Variants in REPS2 observed in about 807,000 individuals in gnomAD.
REPS2 encodes ralBP1-associated Eps domain-containing protein 2.
A neutral mutation model predicts 53.6 loss-of-function variants in REPS2; 23 were observed. The ratio of observed to expected loss-of-function variants is 0.43; its 90% CI spans 0.31 to 0.61. The LOEUF (loss-of-function observed/expected upper bound fraction) is 0.61, where lower values mean the gene tolerates loss of function less well. Among genes scored for constraint, REPS2 ranks in the 20% least tolerant of loss-of-function variants. The pLI is 0.11. For missense variants in REPS2, 446 were observed against 534.9 expected (o/e 0.83, Z 1.64); for synonymous variants, 238 against 218.6 (o/e 1.09, Z -0.78).
chrX:16,981,747 A>G (rs2061021519), intron 1 of REPS2, among the ~76,000 whole-genome samples: 2 of 112,468 alleles, frequency 1.8e-5, no homozygotes, highest in African/African-American at 6.5e-5. Flanking sequence ...AAAAAGGATG[A>G]CAACAAAAAC....
In REPS2 at chrX:17,151,582, T is replaced by C; in HGVS notation, c.*4101T>C. The C allele has an allele frequency of 8.9e-6, 1 of 112,750 alleles. No individual in the cohort carries two copies. The highest frequency in any genetic ancestry group is 1.9e-5 in the Non-Finnish European group (1 of 53,296). The allele number at this position is 112,750 out of a possible 1,213,427, so 9.3% of individuals were successfully genotyped here. On this transcript the variant is annotated 3_prime_UTR_variant, in exon 18 of 18. Coordinates refer to ENST00000357277, the MANE Select transcript of REPS2 (RefSeq NM_004726.3). The stretch of plus-strand genomic sequence containing the variant: ...TAGAATCACACCTTCTCACTAGATA[T>C]CACCAAGGGAATGTGGTTTTAAAAA...
chrX:17,184,724 A>C, the REPS2 span, among the ~76,000 whole-genome samples: 1 of 111,870 alleles, frequency 8.9e-6, no homozygotes, highest in Non-Finnish European at 1.9e-5. Context: ...TGCCATTCCA[A>C]CTGGTGTGAG....
At chrX:17,067,392 C>T (rs954357280) in intron 9 of REPS2, among the ~76,000 whole-genome samples, 1 of 112,154 alleles carries the variant, frequency 8.9e-6, no homozygotes, top group Admixed American at 9.4e-5. Flanking sequence ...TACCTGTCAC[C>T]TCTCACATAG....
At chrX:17,192,437 T>C in the REPS2 span, among the ~76,000 whole-genome samples, 1 of 111,662 alleles carries the variant, frequency 9.0e-6, no homozygotes, top group Non-Finnish European at 1.9e-5. Context: ...TGCCTACTAT[T>C]GTATCAATTT....
At chrX:17,179,237 C>T in the REPS2 span, among the ~76,000 whole-genome samples, 1 of 111,964 alleles carries the variant, frequency 8.9e-6, no homozygotes, top group Non-Finnish European at 1.9e-5. Context: ...CCCTTTGGAG[C>T]TGGCTGGGTG....
intron 3 of REPS2, among the ~76,000 whole-genome samples, chrX:17,024,125 A>G (rs2061607824): frequency 9.4e-6 from 1 of 106,144 alleles, no homozygotes; most frequent in Non-Finnish European, 1.9e-5. Context: ...CTCATTTCAA[A>G]AAAAAAAAAA....
intron 13 of REPS2, among the ~76,000 whole-genome samples, chrX:17,085,240 A>G (rs182452836): frequency 1.8e-5 from 2 of 112,448 alleles, no homozygotes; most frequent in Admixed American, 9.4e-5. Flanking sequence ...CTATAGGTCT[A>G]TCCTTATGCC....
At chrX:16,980,285 T>G (rs2061005443) in intron 1 of REPS2, among the ~76,000 whole-genome samples, 1 of 107,828 alleles carries the variant, frequency 9.3e-6, no homozygotes, top group South Asian at 4.1e-4. Context: ...AATTTATTTA[T>G]TTATTTATTC....
chrX:17,095,096 T>C (rs893065458), intron 13 of REPS2, among the ~76,000 whole-genome samples: 2 of 112,201 alleles, frequency 1.8e-5, no homozygotes, highest in African/African-American at 6.5e-5. Flanking sequence ...TAATACTTAG[T>C]CATCCACTTA....
intron 13 of REPS2, among the ~76,000 whole-genome samples, chrX:17,082,442 T>A (rs777708180): frequency 7.1e-5 from 8 of 112,271 alleles, no homozygotes; most frequent in Non-Finnish European, 1.3e-4. Context: ...TGTTTTTTTT[T>A]AAAACCACAT....
At position 16,948,272 on chromosome X, in the gene REPS2, A is replaced by G. The variant is rs149685074; in HGVS notation, c.273+1138A>G. 7.6e-4 allele frequency among the ~76,000 whole-genome samples: 85 copies of G among 112,406 alleles called. 3 individuals are homozygous for G. The East Asian group carries it at 0.02, about 26-fold the overall frequency. ...TTTTTACTGCTATATGTTTGTGAGC[A>G]TAACTTTAGACACTTTGTAATCTTT... is the stretch of plus-strand genomic sequence containing the variant. On this transcript the variant is annotated intron_variant, in intron 1 of 17. Transcript: ENST00000357277.
intron 14 of REPS2, among the ~76,000 whole-genome samples, chrX:17,113,456 G>T (rs1245446717): frequency 1.8e-5 from 2 of 110,057 alleles, no homozygotes; most frequent in Non-Finnish European, 3.8e-5. Context: ...TTTTTCCTTT[G>T]TTAACTTTGG....
chrX:17,127,140 G>T (rs978598190), intron 14 of REPS2, among the ~76,000 whole-genome samples: 1 of 111,814 alleles, frequency 8.9e-6, no homozygotes, highest in African/African-American at 3.3e-5. Context: ...TTCCAAAAAT[G>T]GCCAAGGGTG....
At chrX:16,965,210 C>T (rs1266589885) in intron 1 of REPS2, among the ~76,000 whole-genome samples, 19 of 95,581 alleles carry the variant, frequency 2.0e-4, no homozygotes, top group African/African-American at 5.6e-4. Flanking sequence ...CCAGTAGGGG[C>T]GGCTGGGCAG....
intron 1 of REPS2, among the ~76,000 whole-genome samples, chrX:16,985,103 G>GT (rs1048228323): frequency 2.4e-4 from 26 of 107,925 alleles, no homozygotes; most frequent in South Asian, 3.9e-4. Flanking sequence ...AAGAATTGAG[G>GT]TTTTTTTTTT....
chrX:17,152,432 T>C lies in REPS2; in HGVS notation c.*4951T>C, dbSNP rs758973062. The C allele has an allele frequency of 8.9e-6, 1 of 112,481 alleles. No homozygotes were observed. The allele number at this position is 112,481 out of a possible 1,213,427, so 9.3% of individuals were successfully genotyped here. A position where few individuals can be genotyped will look rare whatever the true frequency, so the allele number is the denominator to read the frequency against. The stretch of plus-strand genomic sequence containing the variant: ...GGGAAATGCTCATTTTTTCATGTTT[T>C]GTGAATACTCTGGTCTTGCTGTAAG... On this transcript the variant is annotated 3_prime_UTR_variant, in exon 18 of 18. Transcript: ENST00000357277.
chrX:17,182,132 C>CTCTGTCTA, the REPS2 span, among the ~76,000 whole-genome samples: 239 of 90,457 alleles, frequency 2.6e-3, 1 homozygote, highest in African/African-American at 7.8e-3. Flanking sequence ...ACCTAGTGTG[C>CTCTGTCTA]TCTATCTGTC....
At chrX:17,114,040 G>A (rs374098891) in intron 14 of REPS2, among the ~76,000 whole-genome samples, 43 of 112,100 alleles carry the variant, frequency 3.8e-4, no homozygotes, top group African/African-American at 1.4e-3. Context: ...GTAGAAAAGA[G>A]GGGTAACAGC....
At position 17,000,723 on chromosome X, in the gene REPS2, C is replaced by CT. The variant is rs371579601; in HGVS notation, c.274-5488dup. ...AAATTCAAAACATAATAACTGAGGACTTTTTTTTTTGGTAATACAGGTCTA... is the reference window on the plus strand; with the variant it reads ...AAATTCAAAACATAATAACTGAGGACTTTTTTTTTTTGGTAATACAGGTCTA... On this transcript the variant is annotated intron_variant, in intron 1 of 17. Coordinates refer to ENST00000357277, the MANE Select transcript of REPS2 (RefSeq NM_004726.3). Among the ~76,000 whole-genome samples the CT allele has an allele frequency of 4.5e-3, 484 of 107,245 alleles. 3 individuals are homozygous for CT. Among genetic ancestry groups the CT allele is most frequent in the African/African-American group, 0.015 (457 of 29,589 alleles). 93.1% of individuals were successfully genotyped at this position (107,245 alleles called of 115,157 possible).
Sources: allele counts gnomAD v4.1 joint callset (sites outside exome capture counted in the v4.1 genomes callset), GRCh38; gene constraint gnomAD v4.1.1; transcripts MANE v1.5; gene names NCBI Gene and HGNC (gene_info 2026-07-23, HGNC 2026-07-21).